Variants in PCDH15 observed in about 807,000 individuals in gnomAD.
PCDH15 encodes protocadherin related 15.
A neutral mutation model predicts 178.5 loss-of-function variants in PCDH15; 129 were observed. The ratio of observed to expected loss-of-function variants is 0.72; its 90% CI spans 0.63 to 0.84. The LOEUF is 0.84. Ranked by LOEUF, PCDH15 falls within the 40% of genes least tolerant of loss-of-function variation. The probability of loss-of-function intolerance (pLI) is 0.00; values close to 1 mark genes in which losing one functional copy is unlikely to be tolerated. For missense variants in PCDH15, 2,230 were observed against 2,099.9 expected (o/e 1.06, Z -1.21); for synonymous variants, 800 against 732.0 (o/e 1.09, Z -1.50).
intron 5 of PCDH15, among the ~76,000 whole-genome samples, chr10:54,364,467 G>A (rs10825310): frequency 1.3e-5 from 2 of 151,950 alleles, no homozygotes; most frequent in South Asian, 2.1e-4. Flanking sequence ...TGATACATCC[G>A]TGAAAACCCA....
At chr10:54,900,041 A>G (rs1380751960) in intron 2 of PCDH15, among the ~76,000 whole-genome samples, 1 of 152,134 alleles carries the variant, frequency 6.6e-6, no homozygotes, top group Admixed American at 6.6e-5. Context: ...AAATTAAAAC[A>G]TATACACCCA....
chr10:54,070,051 G>C (rs1172928962), intron 17 of PCDH15, among the ~76,000 whole-genome samples: 3 of 152,076 alleles, frequency 2.0e-5, no homozygotes, highest in Non-Finnish European at 2.9e-5. Context: ...CCACTAGCTG[G>C]AAATACTTGC....
chr10:55,041,327 G>A (rs577687512), intron 2 of PCDH15, among the ~76,000 whole-genome samples: 1 of 152,202 alleles, frequency 6.6e-6, no homozygotes, highest in Non-Finnish European at 1.5e-5. Context: ...CAAAAACAAT[G>A]CATCTACATC....
At chr10:53,874,997 G>A (rs532860937) in intron 26 of PCDH15, among the ~76,000 whole-genome samples, 12 of 151,940 alleles carry the variant, frequency 7.9e-5, no homozygotes, top group African/African-American at 2.9e-4. Context: ...ATAGGGCAAA[G>A]GAAATGACAC....
intron 2 of PCDH15, among the ~76,000 whole-genome samples, chr10:54,608,295 TTA>T (rs1269434617): frequency 2.6e-5 from 4 of 150,982 alleles, no homozygotes; most frequent in Non-Finnish European, 4.4e-5. Context: ...TGACAAAAAC[TTA>T]TCTCTACCAA....
chr10:54,050,500 C>T (rs375396695), intron 18 of PCDH15, among the ~76,000 whole-genome samples: 71 of 152,058 alleles, frequency 4.7e-4, no homozygotes, highest in African/African-American at 1.5e-3. Context: ...TTCATCTTTT[C>T]GAAGAACCAA....
At chr10:54,576,923 G>A (rs1318337275) in intron 2 of PCDH15, among the ~76,000 whole-genome samples, 1 of 140,066 alleles carries the variant, frequency 7.1e-6, no homozygotes, top group Non-Finnish European at 1.5e-5. Context: ...TGAGGAGTAC[G>A]CAATCTGTTA....
intron 2 of PCDH15, among the ~76,000 whole-genome samples, chr10:55,505,645 T>G (rs1840744396): frequency 6.6e-6 from 1 of 151,446 alleles, no homozygotes; most frequent in Non-Finnish European, 1.5e-5. Flanking sequence ...ATTCAGTTTA[T>G]TTTTACATTT....
At chr10:55,103,111 CTTTTTTT>C (rs112141976) in intron 2 of PCDH15, among the ~76,000 whole-genome samples, 1 of 125,546 alleles carries the variant, frequency 8.0e-6, no homozygotes, top group Non-Finnish European at 1.8e-5. Context: ...TCTGATTTTT[CTTTTTTT>C]TTTTTTTTGC....
At chr10:54,177,359 T>C (rs888132080) in intron 13 of PCDH15, among the ~76,000 whole-genome samples, 1 of 152,128 alleles carries the variant, frequency 6.6e-6, no homozygotes, top group African/African-American at 2.4e-5. Flanking sequence ...ATGGTGGATA[T>C]ATGTCATTAG....
At chr10:55,467,584 T>C (rs1231061337) in intron 2 of PCDH15, among the ~76,000 whole-genome samples, 1 of 152,102 alleles carries the variant, frequency 6.6e-6, no homozygotes, top group East Asian at 1.9e-4. Flanking sequence ...AGTAAGAGAA[T>C]GGCAGAAATA....
chr10:54,763,045 A>G (rs970806897), intron 1 of PCDH15, among the ~76,000 whole-genome samples: 20 of 152,178 alleles, frequency 1.3e-4, no homozygotes, highest in African/African-American at 4.1e-4. Flanking sequence ...ATATTCAGCT[A>G]AGGTATACAT....
At chr10:54,007,178 A>G (rs2092415598) in intron 20 of PCDH15, among the ~76,000 whole-genome samples, 1 of 152,196 alleles carries the variant, frequency 6.6e-6, no homozygotes, top group Non-Finnish European at 1.5e-5. Context: ...GTTACAACGC[A>G]GACTCTAAGA....
intron 8 of PCDH15, among the ~76,000 whole-genome samples, chr10:54,261,176 CTGTT>C (rs1276070352): frequency 6.6e-6 from 1 of 151,918 alleles, no homozygotes; most frequent in Non-Finnish European, 1.5e-5. Context: ...ATGTAGATAA[CTGTT>C]TGAAAATGTA....
chr10:54,105,710 G>C (rs189690585), intron 15 of PCDH15, among the ~76,000 whole-genome samples: 356 of 152,126 alleles, frequency 2.3e-3, no homozygotes, highest in Non-Finnish European at 4.3e-3. Flanking sequence ...TCAATACTTT[G>C]CATCTTTCAA....
chr10:54,158,102 G>C (rs2045338084), intron 13 of PCDH15, among the ~76,000 whole-genome samples: 1 of 152,056 alleles, frequency 6.6e-6, no homozygotes, highest in African/African-American at 2.4e-5. Context: ...TCCAACCTCT[G>C]CCTGTTACTC....
intron 2 of PCDH15, among the ~76,000 whole-genome samples, chr10:55,410,843 C>A (rs937834578): frequency 2.0e-5 from 3 of 151,992 alleles, no homozygotes; most frequent in Non-Finnish European, 4.4e-5. Flanking sequence ...ATGTTCAAGC[C>A]GGTGTTTGCG....
intron 3 of PCDH15, among the ~76,000 whole-genome samples, chr10:54,838,495 C>T (rs1022553973): frequency 3.3e-5 from 5 of 152,102 alleles, no homozygotes; most frequent in African/African-American, 1.2e-4. Flanking sequence ...AACTGTGAGT[C>T]CATTAAACCT....
chr10:54,925,458 A>G (rs2168108), intron 2 of PCDH15, among the ~76,000 whole-genome samples: 17,096 of 152,130 alleles, frequency 0.11, 1,325 homozygotes, highest in East Asian at 0.23. Flanking sequence ...TAATTTTAAA[A>G]TAGTTCATTA....
Sources: allele counts gnomAD v4.1 joint callset (sites outside exome capture counted in the v4.1 genomes callset), GRCh38; gene constraint gnomAD v4.1.1; transcripts MANE v1.5; gene names NCBI Gene and HGNC (gene_info 2026-07-23, HGNC 2026-07-21).